FA2H: variants seen among roughly 807,000 people sequenced by gnomAD.
FA2H encodes the protein fatty acid alpha-hydroxylase.
A neutral mutation model predicts 44.9 loss-of-function variants in FA2H; 22 were observed. That is an observed-to-expected ratio of 0.49 (90% CI 0.35 to 0.70). The LOEUF is 0.70. Among genes scored for constraint, FA2H ranks in the 30% least tolerant of loss-of-function variants. The pLI, the probability that FA2H is intolerant of heterozygous loss-of-function variation, is 0.01. For missense variants in FA2H, 501 were observed against 504.9 expected (o/e 0.99, Z 0.07); for synonymous variants, 243 against 213.2 (o/e 1.14, Z -1.22).
intron 4 of FA2H, chr16:74,725,978 G>C (rs1444090318): frequency 1.3e-5 from 6 of 478,138 alleles, no homozygotes; most frequent in African/African-American, 2.0e-5. Flanking sequence ...TTTTTTTATT[G>C]CTATGCCACC....
chr16:74,714,057 C>T lies in FA2H; in HGVS notation c.*133G>A, dbSNP rs1160844956. On this transcript the variant is annotated 3_prime_UTR_variant, in exon 7 of 7. Transcript: ENST00000219368. ...GCCTCAGGGCCCCCTCAGCACCTTC[C>T]ACTAGGCTGCAGGGCCGGACACAGC... The T allele has an allele frequency of 3.0e-6, 2 of 657,932 alleles. No homozygotes were observed. Among genetic ancestry groups the T allele is most frequent in the African/African-American group, 1.8e-5 (1 of 56,370 alleles). 40.8% of individuals were successfully genotyped at this position (657,932 alleles called of 1,614,324 possible).
chr16:74,719,159 C>A lies in FA2H; in HGVS notation c.615G>T (p.Glu205Asp). The change falls in exon 5 of 7, where the codon GAG becomes GAT. Residue 205 changes from glutamate (E) to aspartate (D), a missense_variant and splice_region_variant. Transcript: ENST00000219368. ...NVRLFTSFTT[E>D]YTVAVPKSMF... ...TGGACTTGGGCACTGCCACCGTGTA[C>A]TCTGCAGGGTGGCAGGGAGAGCGAG... The A allele has an allele frequency of 6.2e-7, 1 of 1,612,892 alleles. No individual in the cohort carries two copies. The highest frequency in any genetic ancestry group is 8.5e-7 in the Non-Finnish European group (1 of 1,179,832).
chr16:74,714,819 G>C (rs1387411321), intron 6 of FA2H, among the ~76,000 whole-genome samples: 2 of 150,996 alleles, frequency 1.3e-5, no homozygotes, highest in African/African-American at 4.9e-5. Flanking sequence ...ACTGATGCTT[G>C]ATTGAGTTAC....
At chr16:74,766,793 A>G (rs1458249623) in intron 1 of FA2H, among the ~76,000 whole-genome samples, 1 of 152,208 alleles carries the variant, frequency 6.6e-6, no homozygotes, top group Non-Finnish European at 1.5e-5. Context: ...AACATCAATA[A>G]TACCCCAGAC....
chr16:74,754,110 T>C (rs76192643), intron 1 of FA2H, among the ~76,000 whole-genome samples: 3,294 of 152,306 alleles, frequency 0.022, 123 homozygotes, highest in African/African-American at 0.075. Flanking sequence ...AATAACTGTA[T>C]TGGGGCCAGG....
At chr16:74,769,270 T>G (rs1962862065) in intron 1 of FA2H, among the ~76,000 whole-genome samples, 1 of 151,744 alleles carries the variant, frequency 6.6e-6, no homozygotes, top group South Asian at 2.1e-4. Flanking sequence ...TTTTTGTAAT[T>G]TTTTCTTGTA....
At chr16:74,727,131 A>AAAGCC in intron 3 of FA2H, 113 bp downstream of exon 3, 1 of 1,408,698 alleles carries the variant, frequency 7.1e-7, no homozygotes, top group Non-Finnish European at 9.9e-7. Context: ...TGACAGCTTT[A>AAAGCC]CAGCATAGAC....
chr16:74,758,170 G>C (rs1567648594), intron 1 of FA2H, among the ~76,000 whole-genome samples: 1 of 148,708 alleles, frequency 6.7e-6, no homozygotes, highest in Non-Finnish European at 1.5e-5. Flanking sequence ...GCCCGGGCTG[G>C]AGTGCAATGG....
At position 74,719,065 on chromosome 16, in the gene FA2H, G is replaced by C. The variant is rs757119964; in HGVS notation, c.709C>G (p.Leu237Val). 4.3e-6 allele frequency: 7 copies of C among 1,613,964 alleles called. No individual in the cohort carries two copies. The South Asian group carries it at 5.5e-5, about 13-fold the overall frequency. Reference protein sequence around the residue: ...SLIEYLIHRFLFHMKPPSDSY... With the variant: ...SLIEYLIHRFVFHMKPPSDSY... ...TCGCTGGGGGGCTTCATGTGGAACA[G>C]GAAGCGGTGGATGAGGTACTCGATG... Residue 237 changes from leucine (L) to valine (V), a missense_variant, in exon 5 of 7, where the codon CTG becomes GTG. By Grantham distance (32) the Leu-to-Val change is conservative (BLOSUM62 1). Coordinates refer to ENST00000219368, the MANE Select transcript of FA2H (RefSeq NM_024306.5).
Position 74,719,141 on chromosome 16 carries a change from G to A in FA2H, c.633C>T (p.Pro211=), listed in dbSNP as rs761379296. ...SFTTEYTVAV[P]KSMFPGLFML... ...TGAAGAGCCCGGGGAACATGGACTT[G>A]GGCACTGCCACCGTGTACTCTGCAG... The change falls in exon 5 of 7, where the codon CCC becomes CCT. Residue 211 remains proline, a synonymous_variant. Transcript: ENST00000219368. 1.8e-5 allele frequency: 29 copies of A among 1,613,392 alleles called. No individual in the cohort carries two copies. The Admixed American group carries it at 2.2e-4, about 12-fold the overall frequency.
At chr16:74,718,862 C>A in intron 5 of FA2H, 126 bp downstream of exon 5, 1 of 1,143,246 alleles carries the variant, frequency 8.7e-7, no homozygotes. Context: ...TCACATCAAA[C>A]GTCCCGTCCC....
intron 1 of FA2H, among the ~76,000 whole-genome samples, chr16:74,773,632 A>G (rs1292780880): frequency 2.0e-5 from 3 of 152,198 alleles, no homozygotes; most frequent in African/African-American, 4.8e-5. Flanking sequence ...GGAGTCAGAT[A>G]CATGTGGCTT....
chr16:74,771,247 G>A (rs1485025029), intron 1 of FA2H, among the ~76,000 whole-genome samples: 1 of 151,970 alleles, frequency 6.6e-6, no homozygotes, highest in Non-Finnish European at 1.5e-5. Context: ...CTGGAATGCA[G>A]TGGTGCGATC....
At chr16:74,734,331 G>C (rs1417243654) in intron 2 of FA2H, among the ~76,000 whole-genome samples, 1 of 152,276 alleles carries the variant, frequency 6.6e-6, no homozygotes, top group Non-Finnish European at 1.5e-5. Flanking sequence ...GAGGAAGCTG[G>C]CCTGCATGGG....
intron 2 of FA2H, among the ~76,000 whole-genome samples, chr16:74,737,348 G>C (rs1175586811): frequency 1.3e-5 from 2 of 152,134 alleles, no homozygotes; most frequent in Admixed American, 1.3e-4. Context: ...CTGGCTTCTT[G>C]TCCCATAAGG....
chr16:74,720,465 G>A (rs963349882), intron 4 of FA2H, among the ~76,000 whole-genome samples: 5 of 151,332 alleles, frequency 3.3e-5, no homozygotes, highest in African/African-American at 7.3e-5. Context: ...CAAAGTGCTG[G>A]GATTACAGAT....
intron 2 of FA2H, among the ~76,000 whole-genome samples, chr16:74,739,502 T>C (rs1962250249): frequency 6.6e-6 from 1 of 152,164 alleles, no homozygotes; most frequent in Non-Finnish European, 1.5e-5. Context: ...GGCACTGGCC[T>C]CTTGATGCCA....
chr16:74,754,246 A>C (rs568202743), intron 1 of FA2H, among the ~76,000 whole-genome samples: 5 of 152,146 alleles, frequency 3.3e-5, no homozygotes, highest in Non-Finnish European at 5.9e-5. Flanking sequence ...AAATACAAAA[A>C]TTAGCCAGGT....
intron 1 of FA2H, among the ~76,000 whole-genome samples, chr16:74,767,638 G>A (rs1962833778): frequency 6.6e-6 from 1 of 152,174 alleles, no homozygotes; most frequent in Non-Finnish European, 1.5e-5. Context: ...TGCTGGCTGG[G>A]CCAAGAGCCA....
Sources: gnomAD v4.1 joint callset for allele counts (sites outside exome capture counted in the v4.1 genomes callset) on GRCh38, gnomAD v4.1.1 for gene constraint, MANE v1.5 for transcripts, NCBI Gene and HGNC (gene_info 2026-07-23, HGNC 2026-07-21) for gene names.